GSK3B: variants seen among roughly 807,000 people sequenced by gnomAD.
The protein encoded by GSK3B is glycogen synthase kinase-3 beta.
A neutral mutation model predicts 56.4 loss-of-function variants in GSK3B; 15 were observed. The observed-to-expected ratio is 0.27, with a 90% CI of 0.18 to 0.41. The LOEUF is 0.41. Ranked by LOEUF, GSK3B falls within the 10% of genes least tolerant of loss-of-function variation. The pLI is 1.00. For synonymous variants in GSK3B, 181 were observed against 188.9 expected, an observed-to-expected ratio of 0.96 and a Z score of 0.34; for missense variants, 300 against 513.4, an observed-to-expected ratio of 0.58 and a Z score of 4.02.
chr3:119,989,103 C>T (rs561129226), intron 2 of GSK3B, among the ~76,000 whole-genome samples: 164 of 152,266 alleles, frequency 1.1e-3, no homozygotes, highest in Middle Eastern at 3.4e-3. Flanking sequence ...TTTCAGCAGA[C>T]GCTGCCTCTA....
intron 3 of GSK3B, among the ~76,000 whole-genome samples, chr3:119,926,909 T>C (rs1007719221): frequency 2.6e-5 from 4 of 152,174 alleles, no homozygotes; most frequent in Non-Finnish European, 5.9e-5. Flanking sequence ...AACCCATTCC[T>C]CCACCTTCAC....
At chr3:119,863,790 A>C (rs2056140881) in intron 8 of GSK3B, among the ~76,000 whole-genome samples, 185 bp from the exon 9 acceptor site, 1 of 152,254 alleles carries the variant, frequency 6.6e-6, no homozygotes, top group Admixed American at 6.5e-5. Context: ...ATTAAAGATT[A>C]TATGAGAAAT....
At chr3:119,969,840 T>C (rs1353246145) in intron 2 of GSK3B, among the ~76,000 whole-genome samples, 1 of 152,194 alleles carries the variant, frequency 6.6e-6, no homozygotes, top group Non-Finnish European at 1.5e-5. Context: ...AAATAATAAA[T>C]GGAAAATTCC....
intron 3 of GSK3B, among the ~76,000 whole-genome samples, chr3:119,925,677 C>A (rs2056883089): frequency 6.6e-6 from 1 of 151,910 alleles, no homozygotes; most frequent in South Asian, 2.1e-4. Flanking sequence ...ACAATCAGCA[C>A]ATAAACTTGC....
intron 1 of GSK3B, among the ~76,000 whole-genome samples, chr3:120,075,263 A>G (rs1378370454): frequency 2.0e-5 from 3 of 152,234 alleles, no homozygotes; most frequent in Non-Finnish European, 1.5e-5. Flanking sequence ...AAAAACCCAC[A>G]GCTAACTACA....
rs139704990 is a variant in GSK3B, at chr3:120,018,354, C to T, written c.89-16115G>A. Among the ~76,000 whole-genome samples, 252 of 152,190 alleles carry T rather than the reference C, an allele frequency of 1.7e-3. 2 individuals carry two copies. The highest frequency in any genetic ancestry group is 7.5e-3 in the Admixed American group (115 of 15,284). ...ATACAGAGGGCCAACTTTCTACATA[C>T]GGTGGTTCCATAGGGCCAACTTTCC... On this transcript the variant is annotated intron_variant, in intron 1 of 10. Coordinates refer to ENST00000264235, the MANE Select transcript of GSK3B (RefSeq NM_001146156.2).
chr3:119,919,905 GA>G (rs112249816), intron 4 of GSK3B, among the ~76,000 whole-genome samples: 10 of 150,726 alleles, frequency 6.6e-5, no homozygotes, highest in African/African-American at 1.2e-4. Flanking sequence ...ATTTTTAACT[GA>G]AAAAAAAGAG....
intron 7 of GSK3B, among the ~76,000 whole-genome samples, chr3:119,898,494 G>A (rs890126498): frequency 1.3e-5 from 2 of 152,024 alleles, no homozygotes; most frequent in African/African-American, 4.8e-5. Flanking sequence ...CTAATTTGCT[G>A]GTAGACACAA....
rs529330684 is a variant in GSK3B at position 119,947,141 on chromosome 3, C to T, written c.366+127G>A. On this transcript the variant is annotated intron_variant, in intron 3 of 10. Transcript: ENST00000264235. ...TGACCATACCTTGGGCTGAGTATTG[C>T]TGGGGCAAGTGTTTCGGAATTTTTC... The T allele has an allele frequency of 6.3e-4, 407 of 641,536 alleles. 3 individuals carry two copies. In the East Asian group the frequency reaches 0.01, roughly 16 times the overall value. 39.7% of individuals were successfully genotyped at this position (641,536 alleles called of 1,614,324 possible).
At chr3:119,922,255 AAGGAAGGAAGGAAGGAAGGAAGGG>A (rs1363106989) in intron 4 of GSK3B, among the ~76,000 whole-genome samples, 2 of 145,150 alleles carry the variant, frequency 1.4e-5, no homozygotes, top group Non-Finnish European at 3.0e-5. Context: ...GGAAGGAAGG[AAGGAAGGAAGGAAGGAAGGAAGGG>A]AGGAGGGAAA....
At chr3:119,832,511 C>T (rs1027505091) in intron 10 of GSK3B, among the ~76,000 whole-genome samples, 4 of 152,114 alleles carry the variant, frequency 2.6e-5, no homozygotes, top group African/African-American at 7.2e-5. Flanking sequence ...ATGTATATGT[C>T]GAAGAACTTA....
At chr3:119,870,899 A>C (rs1249989007) in intron 8 of GSK3B, among the ~76,000 whole-genome samples, 1 of 152,214 alleles carries the variant, frequency 6.6e-6, no homozygotes, top group Non-Finnish European at 1.5e-5. Flanking sequence ...TTTCTGGAAT[A>C]CATGTGAATG....
chr3:119,881,792 G>A (rs1008865884), intron 7 of GSK3B, among the ~76,000 whole-genome samples: 1 of 152,164 alleles, frequency 6.6e-6, no homozygotes. Context: ...TCATGTCATG[G>A]GAGGGACCCA....
At chr3:120,029,902 C>T in intron 1 of GSK3B, 3 of 546,640 alleles carry the variant, frequency 5.5e-6, no homozygotes, top group South Asian at 4.1e-5. Flanking sequence ...GTATCTGGTC[C>T]ATGATGCCTG....
At chr3:120,001,417 T>G (rs187775908) in intron 2 of GSK3B, among the ~76,000 whole-genome samples, 1 of 152,296 alleles carries the variant, frequency 6.6e-6, no homozygotes, top group East Asian at 1.9e-4. Flanking sequence ...ATCTCCCCCT[T>G]CATGCTCTCG....
intron 2 of GSK3B, among the ~76,000 whole-genome samples, chr3:119,997,212 C>T (rs2057627887): frequency 6.6e-6 from 1 of 152,156 alleles, no homozygotes; most frequent in South Asian, 2.1e-4. Flanking sequence ...GGCCTCAGCA[C>T]ATTAAATGCA....
At chr3:119,964,271 G>T (rs998090313) in intron 2 of GSK3B, among the ~76,000 whole-genome samples, 3 of 152,150 alleles carry the variant, frequency 2.0e-5, no homozygotes, top group Non-Finnish European at 4.4e-5. Context: ...TCCCACTTCT[G>T]GGTAAACATC....
intron 6 of GSK3B, among the ~76,000 whole-genome samples, chr3:119,910,523 C>G (rs772614268): frequency 1.3e-5 from 2 of 152,166 alleles, no homozygotes; most frequent in Non-Finnish European, 2.9e-5. Context: ...GAGTTGTAAT[C>G]TTTTTGCTGG....
At chr3:120,085,054 A>G (rs2058452054) in intron 1 of GSK3B, among the ~76,000 whole-genome samples, 1 of 152,204 alleles carries the variant, frequency 6.6e-6, no homozygotes, top group African/African-American at 2.4e-5. Context: ...GTCTCCAGGA[A>G]AGAGAACTGG....
Sources: gnomAD v4.1 joint callset for allele counts (sites outside exome capture counted in the v4.1 genomes callset) on GRCh38, gnomAD v4.1.1 for gene constraint, MANE v1.5 for transcripts, NCBI Gene and HGNC (gene_info 2026-07-23, HGNC 2026-07-21) for gene names.